AP2A2: variants seen among roughly 807,000 people sequenced by gnomAD.
AP2A2 encodes AP-2 complex subunit alpha-2.
Under a neutral mutation model 104.2 loss-of-function variants are expected in AP2A2, and 32 were observed. That is an observed-to-expected ratio of 0.31 (90% CI 0.23 to 0.41). The LOEUF (loss-of-function observed/expected upper bound fraction) is 0.41. Ranked by LOEUF, AP2A2 falls within the 10% of genes least tolerant of loss-of-function variation. AP2A2 has a pLI of 1.00. For synonymous variants in AP2A2, 539 were observed against 533.3 expected (o/e 1.01, Z -0.15); for missense variants, 912 against 1,261.0 (o/e 0.72, Z 4.19).
chr11:954,824 A>G (rs1030534668), intron 1 of AP2A2, among the ~76,000 whole-genome samples: 7 of 152,304 alleles, frequency 4.6e-5, no homozygotes, highest in African/African-American at 1.7e-4. Flanking sequence ...TCTGTCCCAC[A>G]GAGGAGGGGG....
At chr11:933,737 C>T (rs1311511677) in intron 1 of AP2A2, 10 of 438,686 alleles carry the variant, frequency 2.3e-5, no homozygotes, top group Non-Finnish European at 4.1e-5. Flanking sequence ...CACTCAGGAG[C>T]GGGGATGACC....
In AP2A2 at chr11:993,569, GTGGGGTTGA is replaced by G. The variant is rs1855736762; in HGVS notation, c.1551-181_1551-173del. On this transcript the variant is annotated intron_variant, in intron 12 of 21. Coordinates refer to ENST00000448903, the MANE Select transcript of AP2A2 (RefSeq NM_012305.4). The surrounding 1 kb of genome is among the most constrained non-coding windows in gnomAD (Gnocchi z 8.2). ...AGGGATTCTAGTAGAAAATGGAGAC[GTGGGGTTGA>G]TGGCTGACTTAGTGAAAGGGGCGTC... 6.6e-6 allele frequency among the ~76,000 whole-genome samples: 1 copy of G among 152,164 alleles called. No individual in the cohort carries two copies. The highest frequency in any genetic ancestry group is 2.1e-4 in the South Asian group (1 of 4,834).
Position 972,451 on chromosome 11 carries a change from G to A in AP2A2, c.473+196G>A, listed in dbSNP as rs376333377. Among the ~76,000 whole-genome samples the A allele has an allele frequency of 1.3e-3, 193 of 152,298 alleles. 3 individuals carry two copies. Among genetic ancestry groups the A allele is most frequent in the African/African-American group, 4.4e-3 (182 of 41,566 alleles). On this transcript the variant is annotated intron_variant, in intron 4 of 21. Transcript: ENST00000448903. ...GGCTCACGCCTCTAATCCCAGGACC[G>A]TAGGAGGCCAAGGTGGGAGAATCGC...
chr11:997,538 C>T (rs1329220522), intron 14 of AP2A2, among the ~76,000 whole-genome samples: 1 of 152,220 alleles, frequency 6.6e-6, no homozygotes. Flanking sequence ...CTCGCTGTTA[C>T]AATCTGTGGT....
At chr11:1,004,939 AAAG>A (rs1174166385) in intron 16 of AP2A2, among the ~76,000 whole-genome samples, 1 of 152,190 alleles carries the variant, frequency 6.6e-6, no homozygotes, top group Admixed American at 6.5e-5. Flanking sequence ...TCAGAACACA[AAAG>A]AAGATGGAAT....
At chr11:983,671 CCG>C (rs1855348338) in intron 6 of AP2A2, among the ~76,000 whole-genome samples, 1 of 152,208 alleles carries the variant, frequency 6.6e-6, no homozygotes, top group Non-Finnish European at 1.5e-5. Context: ...GCGGGAGCCA[CCG>C]CACCTGGCCT....
intron 2 of AP2A2, among the ~76,000 whole-genome samples, chr11:969,480 C>T (rs894726078): frequency 6.6e-6 from 1 of 152,086 alleles, no homozygotes; most frequent in Admixed American, 6.5e-5. Context: ...CCTGCCTCGG[C>T]CTCCCAAAGT....
chr11:966,507 CACTTT>C (rs1854622486), intron 2 of AP2A2, among the ~76,000 whole-genome samples: 1 of 152,256 alleles, frequency 6.6e-6, no homozygotes, highest in African/African-American at 2.4e-5. Flanking sequence ...CCAGACAAAA[CACTTT>C]ACTTTTTCTT....
intron 1 of AP2A2, among the ~76,000 whole-genome samples, chr11:953,281 C>T (rs1854113156): frequency 6.6e-6 from 1 of 152,104 alleles, no homozygotes; most frequent in Non-Finnish European, 1.5e-5. Context: ...TCTTCCACTT[C>T]AGCTTCCCCA....
chr11:1,010,149 T>C, intron 21 of AP2A2: 3 of 467,148 alleles, frequency 6.4e-6, no homozygotes, highest in South Asian at 6.5e-5. Flanking sequence ...GGGCGGTGGC[T>C]CTCCCAGCTG....
chr11:986,154 G>A (rs1214578061), intron 8 of AP2A2, among the ~76,000 whole-genome samples: 3 of 152,330 alleles, frequency 2.0e-5, no homozygotes, highest in African/African-American at 4.8e-5. Flanking sequence ...GAATGAGATC[G>A]CAGTTCTCAC....
At chr11:947,035 A>C (rs1589954175) in intron 1 of AP2A2, 1 of 120,700 alleles carries the variant, frequency 8.3e-6, no homozygotes, top group African/African-American at 3.2e-5. Context: ...TTTGAGACGG[A>C]GTCTCCCTCT....
rs752237271 is a variant in AP2A2 at position 988,612 on chromosome 11, C to T, written c.1192C>T (p.Arg398Cys). 6.2e-6 allele frequency: 10 copies of T among 1,613,452 alleles called. No homozygotes were observed. The highest frequency in any genetic ancestry group is 2.7e-5 in the African/African-American group (2 of 74,936). Residue 398 changes from arginine (R) to cysteine (C), a missense_variant, in exon 10 of 22, where the codon CGC becomes TGC. By Grantham distance (180) the Arg-to-Cys change is radical. This residue lies in a region of AP2A2 where 350 missense variants were observed against 487.0 expected (regional missense o/e 0.72). Coordinates refer to ENST00000448903, the MANE Select transcript of AP2A2 (RefSeq NM_012305.4). The part of the protein sequence containing the change: ...AVDLLYAMCD[R>C]SNAPQIVAEM... Reference sequence around the variant, plus strand: ...GGACCTCCTCTACGCCATGTGCGACCGCAGCAACGCCCCACAGATCGTGGC... The same window carrying T: ...GGACCTCCTCTACGCCATGTGCGACTGCAGCAACGCCCCACAGATCGTGGC...
Position 994,074 on chromosome 11 carries a change from G to C in AP2A2, c.1785G>C (p.Ala595=), listed in dbSNP as rs745834045. 1.2e-6 allele frequency: 2 copies of C among 1,612,680 alleles called. No homozygotes were observed. The highest frequency in any genetic ancestry group is 1.1e-5 in the South Asian group (1 of 91,040). ...LSTVASTDIL[A]TVLEEMPPFP... is the part of the protein sequence containing the mutation. Reference sequence around the variant, plus strand: ...TCCCACCCTGTGTTCTTTCCAAGGCGACCGTGCTGGAGGAGATGCCCCCAT... The same window carrying C: ...TCCCACCCTGTGTTCTTTCCAAGGCCACCGTGCTGGAGGAGATGCCCCCAT... The change falls in exon 14 of 22, where the codon GCG becomes GCC. Residue 595 remains alanine (A), a splice_region_variant and synonymous_variant. Coordinates refer to ENST00000448903, the MANE Select transcript of AP2A2 (RefSeq NM_012305.4).
At chr11:994,825 G>A (rs1292548668) in intron 14 of AP2A2, among the ~76,000 whole-genome samples, 2 of 96,980 alleles carry the variant, frequency 2.1e-5, no homozygotes, top group African/African-American at 4.1e-5. Flanking sequence ...CCTGCTGGAC[G>A]CCCCCCTGGC....
At position 937,820 on chromosome 11, in the gene AP2A2, A is replaced by C. The variant is rs562307772; in HGVS notation, c.67+11732A>C. On this transcript the variant is annotated intron_variant, in intron 1 of 21. Coordinates refer to ENST00000448903, the MANE Select transcript of AP2A2 (RefSeq NM_012305.4). ...CAAAAAATCGTTCAGCTTCACCATC[A>C]CAAATTGGAGACTGTCTATACTTAT... 2.6e-5 allele frequency among the ~76,000 whole-genome samples: 4 copies of C among 152,318 alleles called. No individual in the cohort carries two copies. In the South Asian group the frequency reaches 8.3e-4, roughly 32 times the overall value.
intron 5 of AP2A2, among the ~76,000 whole-genome samples, chr11:979,463 C>T (rs1403262291): frequency 1.3e-5 from 2 of 152,102 alleles, no homozygotes; most frequent in Non-Finnish European, 2.9e-5. Context: ...ACAGGCACAG[C>T]AGGTCTCTGG....
intron 1 of AP2A2, chr11:940,623 G>C (rs1853613397): frequency 2.9e-6 from 1 of 350,442 alleles, no homozygotes. Flanking sequence ...TATCTCGTCT[G>C]TGTAAAGGTG....
chr11:990,819 A>G (rs187370480), intron 10 of AP2A2, among the ~76,000 whole-genome samples: 1,262 of 74,444 alleles, frequency 0.017, 74 homozygotes, highest in African/African-American at 0.063. Flanking sequence ...CCCTCACCCC[A>G]TCCTTTCAGC....
Sources: allele counts gnomAD v4.1 joint callset (sites outside exome capture counted in the v4.1 genomes callset), GRCh38; gene constraint gnomAD v4.1.1; regional missense constraint gnomAD v4.1.1; non-coding constraint Gnocchi (gnomAD v3.1); transcripts MANE v1.5; gene names NCBI Gene and HGNC (gene_info 2026-07-23, HGNC 2026-07-21).